The following EPS15L1 variants were observed in gnomAD, a reference collection of about 807,000 sequenced individuals.
EPS15L1 encodes epidermal growth factor receptor pathway substrate 15 like 1.
EPS15L1 carries 43 observed loss-of-function variants against 117.1 expected under a neutral mutation model. That is an observed-to-expected ratio of 0.37 (90% CI 0.29 to 0.47). The LOEUF is 0.47. Ranked by LOEUF, EPS15L1 falls within the 20% of genes least tolerant of loss-of-function variation. The pLI, the probability that EPS15L1 is intolerant of heterozygous loss-of-function variation, is 0.99. For missense variants in EPS15L1, 981 were observed against 1,164.0 expected, an observed-to-expected ratio of 0.84 and a Z score of 2.29; for synonymous variants, 459 against 470.5, an observed-to-expected ratio of 0.98 and a Z score of 0.32.
intron 19 of EPS15L1, among the ~76,000 whole-genome samples, chr19:16,391,612 A>T (rs1210201224): frequency 7.0e-6 from 1 of 143,398 alleles, no homozygotes; most frequent in East Asian, 2.0e-4. Flanking sequence ...CTGCTCCATC[A>T]CCGAGGCTGC....
intron 1 of EPS15L1, among the ~76,000 whole-genome samples, chr19:16,466,869 C>T (rs1249775505): frequency 6.6e-6 from 1 of 150,672 alleles, no homozygotes; most frequent in Non-Finnish European, 1.5e-5. Context: ...CGCCATTGCA[C>T]TCCATCCTGG....
intron 1 of EPS15L1, among the ~76,000 whole-genome samples, chr19:16,446,205 G>A (rs903581081): frequency 6.6e-6 from 1 of 152,152 alleles, no homozygotes; most frequent in Non-Finnish European, 1.5e-5. Context: ...AGTTGAGATG[G>A]AGAAACCCAG....
At chr19:16,464,992 T>G (rs2145197377) in intron 1 of EPS15L1, among the ~76,000 whole-genome samples, 1 of 150,758 alleles carries the variant, frequency 6.6e-6, no homozygotes, top group Non-Finnish European at 1.5e-5. Context: ...GGCAGTAGAA[T>G]GGCATGAACC....
intron 21 of EPS15L1, among the ~76,000 whole-genome samples, chr19:16,378,142 A>G (rs2092319018): frequency 6.6e-6 from 1 of 151,890 alleles, no homozygotes; most frequent in Non-Finnish European, 1.5e-5. Context: ...ATGGGCAGGT[A>G]GAGACAGGGA....
intron 22 of EPS15L1, among the ~76,000 whole-genome samples, chr19:16,376,270 G>A (rs986776636): frequency 2.0e-5 from 3 of 152,222 alleles, no homozygotes; most frequent in Admixed American, 6.5e-5. Context: ...GATGGAACAG[G>A]CAATGACCGG....
chr19:16,429,242 G>A, intron 7 of EPS15L1, among the ~76,000 whole-genome samples: 1 of 152,148 alleles, frequency 6.6e-6, no homozygotes, highest in East Asian at 1.9e-4. Flanking sequence ...GGTGAGACAG[G>A]TGTCAGGCCA....
chr19:16,419,428 C>T (rs1568435444), intron 10 of EPS15L1, among the ~76,000 whole-genome samples: 1 of 151,756 alleles, frequency 6.6e-6, no homozygotes, highest in African/African-American at 2.4e-5. Flanking sequence ...CAATGCGCTC[C>T]AGCCTGGGCA....
chr19:16,386,220 A>T lies in EPS15L1; in HGVS notation c.2115T>A (p.Phe705Leu). Residue 705 changes from phenylalanine to leucine, a missense_variant, in exon 20 of 24, where the codon TTT (phenylalanine) becomes TTA (leucine). Transcript: ENST00000455140. ...NPSLPSKLDP[F>L]ESSDPFSSSS... The stretch of plus-strand genomic sequence containing the variant: ...AGGATGAAAAGGGATCACTGGATTC[A>T]AAGGGGTCGAGCTAAATGAAAGGAG... 6.2e-7 allele frequency: 1 copy of T among 1,612,232 alleles called. No homozygotes were observed. The highest frequency in any genetic ancestry group is 1.3e-5 in the African/African-American group (1 of 74,986).
Position 16,355,463 on chromosome 19 carries a change from G to T in EPS15L1, c.*242C>A. The T allele has an allele frequency of 2.2e-6, 1 of 456,124 alleles. No homozygotes were observed. Among genetic ancestry groups the T allele is most frequent in the South Asian group, 4.3e-5 (1 of 23,506 alleles). The allele number at this position is 456,124 out of a possible 1,614,324, so 28.3% of individuals were successfully genotyped here. On this transcript the variant is annotated 3_prime_UTR_variant, in exon 24 of 24. Coordinates refer to ENST00000455140, the MANE Select transcript of EPS15L1 (RefSeq NM_001258374.3). ...GGAAGAGCGGGAGGCAGTCAGCCCC[G>T]GGGGGGATGGCACAGTGGAGAGACG...
At position 16,421,426 on chromosome 19, in the gene EPS15L1, C is replaced by G. The variant is rs745463018; in HGVS notation, c.843G>C (p.Glu281Asp). 27 of 1,613,938 alleles carry G rather than the reference C, an allele frequency of 1.7e-5. No homozygotes were observed. Among genetic ancestry groups the G allele is most frequent in the Non-Finnish European group, 2.2e-5 (26 of 1,179,890 alleles). The change falls in exon 10 of 24, where the codon GAG becomes GAC. Residue 281 changes from glutamate to aspartate, a missense_variant. By Grantham distance (45) the Glu-to-Asp change is conservative (BLOSUM62 2). Around this residue, in one of 5 missense-constraint regions of EPS15L1, gnomAD observed 819 missense variants for 949.0 expected, o/e 0.86. Transcript: ENST00000455140. ...GGTCCAGGTCGGTCTTCAGGAATAT[C>G]TCATCAAATCGCATCTTGTCTGCCA... ...VPVADKMRFD[E>D]IFLKTDLDLD...
chr19:16,439,044 G>C (rs973206980), intron 4 of EPS15L1, among the ~76,000 whole-genome samples: 2 of 151,148 alleles, frequency 1.3e-5, no homozygotes, highest in Admixed American at 6.6e-5. Flanking sequence ...CAGTGGACTT[G>C]TGAGGGATCA....
intron 7 of EPS15L1, among the ~76,000 whole-genome samples, chr19:16,432,720 G>A (rs1037966942): frequency 6.6e-6 from 1 of 152,102 alleles, no homozygotes; most frequent in African/African-American, 2.4e-5. Flanking sequence ...GCAGTGAGCT[G>A]AGATCATGCC....
intron 1 of EPS15L1, chr19:16,443,684 TG>T (rs1028009760): frequency 2.0e-5 from 3 of 147,178 alleles, no homozygotes; most frequent in African/African-American, 7.6e-5. Flanking sequence ...CACTCCAGCC[TG>T]GGTGACAAGA....
intron 16 of EPS15L1, among the ~76,000 whole-genome samples, chr19:16,396,323 A>G (rs2092540218): frequency 6.6e-6 from 1 of 152,198 alleles, no homozygotes; most frequent in Non-Finnish European, 1.5e-5. Flanking sequence ...GTGCAGTTGC[A>G]CACTCATGGG....
At position 16,417,950 on chromosome 19, in the gene EPS15L1, G is replaced by T. The variant is rs374319426; in HGVS notation, c.1105C>A (p.Pro369Thr). ...AGGGCATGACCAGCACCACTCACCG[G>T]GCCGGGCGTGCCTCTCTCCGAAGGC... ...VPPSERGTPG[P>T]DSSGSLGSGE... is the part of the protein sequence containing the mutation. Residue 369 changes from proline to threonine, a missense_variant and splice_region_variant, in exon 11 of 24, where the codon CCG becomes ACG. Around this residue, in one of 5 missense-constraint regions of EPS15L1, gnomAD observed 819 missense variants for 949.0 expected, o/e 0.86. Transcript: ENST00000455140. 1.4e-5 allele frequency: 22 copies of T among 1,612,574 alleles called. No homozygotes were observed. The African/African-American group carries it at 2.4e-4, about 18-fold the overall frequency.
intron 17 of EPS15L1, among the ~76,000 whole-genome samples, chr19:16,394,555 G>A (rs2092519466): frequency 6.6e-6 from 1 of 152,186 alleles, no homozygotes; most frequent in African/African-American, 2.4e-5. Flanking sequence ...CTTCCTCCTG[G>A]AAATACTGTT....
chr19:16,395,548 C>T, intron 16 of EPS15L1, 81 bp from the exon 17 acceptor site: 6 of 1,400,858 alleles, frequency 4.3e-6, no homozygotes, highest in Non-Finnish European at 6.0e-6. Context: ...ACTTAACTCA[C>T]ATTTCCACTT....
At chr19:16,431,549 G>A (rs894617401) in intron 7 of EPS15L1, among the ~76,000 whole-genome samples, 2 of 151,976 alleles carry the variant, frequency 1.3e-5, no homozygotes, top group African/African-American at 2.4e-5. Context: ...TGATCTGCCC[G>A]CCTCGGCCTC....
intron 23 of EPS15L1, chr19:16,361,532 C>T (rs1311937116): frequency 8.3e-7 from 1 of 1,201,884 alleles, no homozygotes; most frequent in Non-Finnish European, 1.0e-6. Flanking sequence ...ATAGGTCCCG[C>T]CTCCCTGCTG....
Sources: gnomAD v4.1 joint callset for allele counts (sites outside exome capture counted in the v4.1 genomes callset) on GRCh38, gnomAD v4.1.1 for gene constraint, gnomAD v4.1.1 regional missense constraint, MANE v1.5 for transcripts, NCBI Gene and HGNC (gene_info 2026-07-23, HGNC 2026-07-21) for gene names.